Variants in MYO5B observed in about 807,000 individuals in gnomAD.
MYO5B encodes myosin VB.
Under a neutral mutation model 229.3 loss-of-function variants are expected in MYO5B, and 143 were observed. The observed-to-expected ratio is 0.62, with a 90% confidence interval of 0.54 to 0.72. The LOEUF is 0.72. Ranked by LOEUF, MYO5B falls within the 30% of genes least tolerant of loss-of-function variation. The pLI, the probability that MYO5B is intolerant of heterozygous loss-of-function variation, is 0.00. For missense variants in MYO5B, 2,321 were observed against 2,331.0 expected, an observed-to-expected ratio of 1.00 and a Z score of 0.09; for synonymous variants, 918 against 885.2, an observed-to-expected ratio of 1.04 and a Z score of -0.66.
intron 2 of MYO5B, among the ~76,000 whole-genome samples, chr18:50,045,134 T>A (rs2030186911): frequency 6.6e-6 from 1 of 152,190 alleles, no homozygotes; most frequent in Non-Finnish European, 1.5e-5. Flanking sequence ...TCAACAGAAC[T>A]CAGTTTTGTA....
At chr18:49,841,755 G>C (rs2024060130) in intron 34 of MYO5B, among the ~76,000 whole-genome samples, 1 of 152,232 alleles carries the variant, frequency 6.6e-6, no homozygotes, top group Non-Finnish European at 1.5e-5. Flanking sequence ...ATGCAAAGCT[G>C]AGTGACAGAT....
At chr18:50,154,014 G>A (rs2032641264) in intron 1 of MYO5B, among the ~76,000 whole-genome samples, 1 of 152,124 alleles carries the variant, frequency 6.6e-6, no homozygotes, top group Admixed American at 6.6e-5. Flanking sequence ...ATGGCCATTA[G>A]ACTTCCTGGG....
intron 1 of MYO5B, among the ~76,000 whole-genome samples, chr18:50,127,221 C>G (rs2032178255): frequency 6.6e-6 from 1 of 152,208 alleles, no homozygotes; most frequent in South Asian, 2.1e-4. Flanking sequence ...ATGAAAATTT[C>G]TAGCATCTCA....
intron 34 of MYO5B, among the ~76,000 whole-genome samples, chr18:49,842,195 G>C (rs1158927285): frequency 6.6e-6 from 1 of 152,190 alleles, no homozygotes; most frequent in Non-Finnish European, 1.5e-5. Flanking sequence ...CTAAGGAAGT[G>C]ACATTTGTGT....
intron 4 of MYO5B, among the ~76,000 whole-genome samples, chr18:50,005,517 C>G (rs943739294): frequency 6.6e-6 from 1 of 152,176 alleles, no homozygotes; most frequent in Admixed American, 6.5e-5. Context: ...CTCAGGCGAT[C>G]CCCCAACCAC....
At chr18:49,933,801 T>C (rs1055798451) in intron 16 of MYO5B, among the ~76,000 whole-genome samples, 4 of 152,238 alleles carry the variant, frequency 2.6e-5, no homozygotes, top group African/African-American at 9.6e-5. Context: ...TCTAGGATGA[T>C]GTAACTAATA....
At chr18:49,974,311 C>T in intron 10 of MYO5B, 39 bp downstream of exon 10, 5 of 1,614,004 alleles carry the variant, frequency 3.1e-6, no homozygotes, top group Non-Finnish European at 4.2e-6. Context: ...GGAAGCCACT[C>T]CCAGGTAGCA....
chr18:49,921,457 C>G (rs1190273293), intron 17 of MYO5B, among the ~76,000 whole-genome samples: 1 of 152,024 alleles, frequency 6.6e-6, no homozygotes, highest in Non-Finnish European at 1.5e-5. Context: ...TCTTCCTGGG[C>G]AGTGCATTTA....
intron 10 of MYO5B, among the ~76,000 whole-genome samples, chr18:49,970,281 G>A (rs1279149746): frequency 6.6e-6 from 1 of 152,234 alleles, no homozygotes; most frequent in Non-Finnish European, 1.5e-5. Flanking sequence ...AGCTTGGGGT[G>A]ACTAAATTGT....
intron 36 of MYO5B, 79 bp from the exon 37 acceptor site, chr18:49,837,881 C>T (rs1736848372): frequency 3.2e-6 from 5 of 1,543,680 alleles, no homozygotes; most frequent in Non-Finnish European, 1.8e-6. Flanking sequence ...TCATTTAGTG[C>T]TCCGGGCTTT....
chr18:50,021,336 A>G (rs2144358552), intron 4 of MYO5B, among the ~76,000 whole-genome samples: 1 of 152,318 alleles, frequency 6.6e-6, no homozygotes, highest in Non-Finnish European at 1.5e-5. Context: ...ACAAGAATTG[A>G]ACAGCAAGAA....
chr18:49,844,644 C>G (rs521861), intron 33 of MYO5B, among the ~76,000 whole-genome samples: 79,051 of 152,076 alleles, frequency 0.52, 20,708 homozygotes, highest in Middle Eastern at 0.62. Context: ...TGACATTTGG[C>G]CATTTTATAG....
At chr18:50,045,049 G>A (rs1964204810) in intron 2 of MYO5B, among the ~76,000 whole-genome samples, 2 of 152,174 alleles carry the variant, frequency 1.3e-5, no homozygotes, top group Admixed American at 1.3e-4. Flanking sequence ...AGTAGGCAGA[G>A]GGATGATTTC....
intron 1 of MYO5B, among the ~76,000 whole-genome samples, chr18:50,154,797 G>C (rs1332857329): frequency 6.6e-6 from 1 of 152,196 alleles, no homozygotes; most frequent in African/African-American, 2.4e-5. Context: ...GGTCAGAAGA[G>C]GGGTTCAAGC....
chr18:49,833,584 T>C (rs1598817835), intron 39 of MYO5B, among the ~76,000 whole-genome samples: 1 of 152,266 alleles, frequency 6.6e-6, no homozygotes, highest in African/African-American at 2.4e-5. Flanking sequence ...CCATTAAACC[T>C]GCAGTATGAT....
At chr18:49,893,966 G>A (rs2024747368) in intron 22 of MYO5B, among the ~76,000 whole-genome samples, 1 of 152,200 alleles carries the variant, frequency 6.6e-6, no homozygotes, top group Non-Finnish European at 1.5e-5. Context: ...TGCAAGTCTA[G>A]AAGGGGCCTT....
rs572612753 is a variant in MYO5B at position 50,115,627 on chromosome 18, G to C, written c.28-60249C>G. On this transcript the variant is annotated intron_variant, in intron 1 of 39. Coordinates refer to ENST00000285039, the MANE Select transcript of MYO5B (RefSeq NM_001080467.3). Reference sequence around the variant, plus strand: ...GAGCTGACAGTTTACTAGTAAAGCTGATCAAATCCCCTTATGGTGGGAGTC... The same window carrying C: ...GAGCTGACAGTTTACTAGTAAAGCTCATCAAATCCCCTTATGGTGGGAGTC... 3.3e-5 allele frequency among the ~76,000 whole-genome samples: 5 copies of C among 151,570 alleles called. No homozygotes were observed. In the East Asian group the frequency reaches 5.8e-4, roughly 18 times the overall value.
intron 22 of MYO5B, among the ~76,000 whole-genome samples, chr18:49,887,014 G>T (rs1196787392): frequency 6.6e-6 from 1 of 152,178 alleles, no homozygotes; most frequent in Non-Finnish European, 1.5e-5. Context: ...GGTGGGGCCT[G>T]GTGAGAGGTG....
At chr18:50,024,783 T>C (rs2026312932) in intron 4 of MYO5B, among the ~76,000 whole-genome samples, 1 of 152,142 alleles carries the variant, frequency 6.6e-6, no homozygotes, top group Admixed American at 6.6e-5. Context: ...ACCAGAGAGG[T>C]TCCCTGACTT....
Sources: allele counts gnomAD v4.1 joint callset (sites outside exome capture counted in the v4.1 genomes callset), GRCh38; gene constraint gnomAD v4.1.1; transcripts MANE v1.5; gene names NCBI Gene and HGNC (gene_info 2026-07-23, HGNC 2026-07-21).